The following ITGAE variants were observed in gnomAD, a reference collection of about 807,000 sequenced individuals.
ITGAE encodes the protein integrin alpha-E.
ITGAE carries 99 observed loss-of-function variants against 136.5 expected under a neutral mutation model. The ratio of observed to expected loss-of-function variants is 0.73; its 90% CI spans 0.62 to 0.86. ITGAE has a LOEUF of 0.86. ITGAE is among the 40% of genes least tolerant of loss of function. The pLI is 0.00. For synonymous variants in ITGAE, 613 were observed against 591.8 expected (o/e 1.04, Z -0.52); for missense variants, 1,447 against 1,515.3 (o/e 0.95, Z 0.75).
intron 1 of ITGAE, among the ~76,000 whole-genome samples, chr17:3,787,220 TCCTG>T: frequency 6.6e-6 from 1 of 151,886 alleles, no homozygotes; most frequent in East Asian, 2.0e-4. Context: ...CAAGCGATTC[TCCTG>T]CCTCAGCCTC....
In ITGAE at chr17:3,725,297, CA is replaced by C. The variant is rs777940498; in HGVS notation, c.3085-1554del. The stretch of plus-strand genomic sequence containing the variant: ...CCTTAAACACTCTAAGTATTTCAAA[CA>C]AAAAGGCATCTGATGCTGAAAAGGT... On this transcript the variant is annotated intron_variant, in intron 26 of 30. Transcript: ENST00000263087. 4 of 1,614,058 alleles carry C rather than the reference CA, an allele frequency of 2.5e-6. No homozygotes were observed. In the African/African-American group the frequency reaches 4.0e-5, roughly 16 times the overall value.
At chr17:3,763,614 A>C (rs1304245693) in intron 3 of ITGAE, among the ~76,000 whole-genome samples, 1 of 152,160 alleles carries the variant, frequency 6.6e-6, no homozygotes, top group Non-Finnish European at 1.5e-5. Flanking sequence ...TGCCGGGCAC[A>C]GGGTGGGCAC....
chr17:3,757,582 G>A (rs750141643), intron 9 of ITGAE, 124 bp downstream of exon 9: 6 of 1,031,696 alleles, frequency 5.8e-6, no homozygotes, highest in Non-Finnish European at 8.7e-6. Context: ...GAGAAGAGGA[G>A]CATTTGCAAA....
In ITGAE at chr17:3,716,705, G is replaced by C; in HGVS notation, c.3427C>G (p.Leu1143Val). Residue 1143 changes from leucine (L) to valine (V), a missense_variant, in exon 30 of 31, where the codon CTG becomes GTG. Transcript: ENST00000263087. ...GAACTGACCTTGAACAGGATGACCA[G>C]AATCACGATCAACACCAGAAGTCCA... The part of the protein sequence containing the change: ...VGGLLVLIVI[L>V]VILFKCGFFK... The C allele has an allele frequency of 6.3e-7, 1 of 1,597,214 alleles. No homozygotes were observed. Among genetic ancestry groups the C allele is most frequent in the Non-Finnish European group, 8.6e-7 (1 of 1,164,700 alleles).
rs146423316 is a variant in ITGAE, at chr17:3,761,032, G to A, written c.579C>T (p.Asp193=). 2.1e-4 allele frequency: 332 copies of A among 1,602,284 alleles called. No individual in the cohort carries two copies. The highest frequency in any genetic ancestry group is 2.4e-4 in the Non-Finnish European group (287 of 1,178,486). ...TCTCACCAGCTTCCTCCTCCTCCTC[G>A]TCTTCCTCCTCCTCCTTGTCTTCCT... is the stretch of plus-strand genomic sequence containing the variant. The part of the protein sequence containing the change: ...EEEEDKEEEE[D]EEEEEAGTEI... Residue 193 remains aspartate (D), a synonymous_variant, in exon 6 of 31, where the codon GAC becomes GAT. Coordinates refer to ENST00000263087, the MANE Select transcript of ITGAE (RefSeq NM_002208.5).
chr17:3,763,870 T>C lies in ITGAE; in HGVS notation c.246A>G (p.Val82=), dbSNP rs766279648. The C allele has an allele frequency of 5.3e-5, 85 of 1,613,096 alleles. No homozygotes were observed. The South Asian group carries it at 8.8e-4, about 17-fold the overall frequency. ...LVQDEILCHP[V]EHVPIPKGRH... is the part of the protein sequence containing the mutation. ...TCCCTGGAGTTGGGGCTGACTTACC[T>C]ACAGGATGGCAAAGGATTTCATCCT... The change falls in exon 3 of 31, where the codon GTA becomes GTG. Residue 82 remains valine (V), a splice_region_variant and synonymous_variant. Coordinates refer to ENST00000263087, the MANE Select transcript of ITGAE (RefSeq NM_002208.5).
rs186261105 is a variant in ITGAE at position 3,763,185 on chromosome 17, G to A, written c.247+684C>T. Among the ~76,000 whole-genome samples, 589 of 152,226 alleles carry A rather than the reference G, an allele frequency of 3.9e-3. 5 individuals carry two copies. Among genetic ancestry groups the A allele is most frequent in the African/African-American group, 0.014 (566 of 41,544 alleles). On this transcript the variant is annotated intron_variant, in intron 3 of 30. Transcript: ENST00000263087. ...TAAGATTACAGGCGTGAGCCACGGC[G>A]CCCAGCCTCAGACAAGACAAGGATT...
Position 3,753,912 on chromosome 17 carries a change from G to C in ITGAE, c.1398C>G (p.Ala466=). The change falls in exon 13 of 31, where the codon GCC becomes GCG. Residue 466 remains alanine, a synonymous_variant. Transcript: ENST00000263087. ...AQYSYLGYAV[A]VLHKTCSLSY... The stretch of plus-strand genomic sequence containing the variant: ...AGAGGCTGCAGGTCTTGTGCAGCAC[G>C]GCCACAGCGTAACCTGGGGCAAGGG... The C allele has an allele frequency of 1.2e-6, 2 of 1,614,012 alleles. No individual in the cohort carries two copies. Among genetic ancestry groups the C allele is most frequent in the Non-Finnish European group, 1.7e-6 (2 of 1,179,984 alleles).
At chr17:3,732,146 A>AT (rs2051359089) in intron 22 of ITGAE, among the ~76,000 whole-genome samples, 1 of 152,140 alleles carries the variant, frequency 6.6e-6, no homozygotes, top group Non-Finnish European at 1.5e-5. Flanking sequence ...ACTCTGCTTC[A>AT]CGGAGGTGAG....
chr17:3,740,642 T>C (rs976018129), intron 19 of ITGAE, among the ~76,000 whole-genome samples: 4 of 152,170 alleles, frequency 2.6e-5, no homozygotes, highest in Admixed American at 2.0e-4. Context: ...TTCCAAAGTG[T>C]TGGGATTACA....
intron 1 of ITGAE, among the ~76,000 whole-genome samples, chr17:3,785,894 G>A (rs984641809): frequency 3.9e-5 from 6 of 151,952 alleles, no homozygotes; most frequent in Admixed American, 6.6e-5. Flanking sequence ...GGGGCCAGGC[G>A]AGGTGGCTGA....
rs144798910 is a variant in ITGAE at position 3,743,659 on chromosome 17, G to A, written c.2320-42C>T. ...GAAGGCAGGGTTAGAGTTGGATGTG[G>A]GGGAGAAGATGACAACAATAATGCT... is the stretch of plus-strand genomic sequence containing the variant. On this transcript the variant is annotated intron_variant, in intron 18 of 30. Coordinates refer to ENST00000263087, the MANE Select transcript of ITGAE (RefSeq NM_002208.5). 2.0e-5 allele frequency: 32 copies of A among 1,577,534 alleles called. No homozygotes were observed. The African/African-American group carries it at 2.5e-4, about 12-fold the overall frequency.
At chr17:3,754,030 G>C in intron 12 of ITGAE, 105 bp from the exon 13 acceptor site, 5 of 1,341,910 alleles carry the variant, frequency 3.7e-6, no homozygotes, top group Non-Finnish European at 5.1e-6. Context: ...GCCTGGGGAG[G>C]GGGGCAAAAT....
intron 3 of ITGAE, among the ~76,000 whole-genome samples, chr17:3,762,502 C>T (rs1221491653): frequency 1.3e-5 from 2 of 151,572 alleles, no homozygotes; most frequent in Non-Finnish European, 2.9e-5. Flanking sequence ...CCTCAGGATA[C>T]TGTCTTATTT....
At chr17:3,734,079 T>A (rs2051405830) in intron 21 of ITGAE, among the ~76,000 whole-genome samples, 2 of 152,150 alleles carry the variant, frequency 1.3e-5, no homozygotes, top group African/African-American at 4.8e-5. Context: ...TCTTTCTTGT[T>A]TTTTCTTTTG....
At chr17:3,781,654 C>A (rs1365395241) in intron 1 of ITGAE, among the ~76,000 whole-genome samples, 1 of 152,128 alleles carries the variant, frequency 6.6e-6, no homozygotes, top group Non-Finnish European at 1.5e-5. Context: ...AAGGCCCGGT[C>A]TCTTCTTTAA....
chr17:3,724,134 G>A lies in ITGAE; in HGVS notation c.3085-390C>T. On this transcript the variant is annotated intron_variant, in intron 26 of 30. Coordinates refer to ENST00000263087, the MANE Select transcript of ITGAE (RefSeq NM_002208.5). ...GCAGTCCGACGATCCTGACGATCCC[G>A]ACGACCCCGACTTCCCCGGCAGCCC... 1.9e-6 allele frequency: 3 copies of A among 1,595,462 alleles called. No individual in the cohort carries two copies. In the South Asian group the frequency reaches 3.3e-5, roughly 18 times the overall value.
chr17:3,790,738 A>G (rs1214767995), intron 1 of ITGAE, among the ~76,000 whole-genome samples: 3 of 152,196 alleles, frequency 2.0e-5, no homozygotes, highest in Non-Finnish European at 4.4e-5. Flanking sequence ...AAACTCTGCC[A>G]TAAATCAAAG....
At chr17:3,751,394 G>A (rs569266648) in intron 15 of ITGAE, among the ~76,000 whole-genome samples, 5 of 151,796 alleles carry the variant, frequency 3.3e-5, no homozygotes, top group Admixed American at 6.6e-5. Flanking sequence ...GACAGGTACC[G>A]CCACAACCTC....
Sources: gnomAD v4.1 joint callset for allele counts (sites outside exome capture counted in the v4.1 genomes callset) on GRCh38, gnomAD v4.1.1 for gene constraint, MANE v1.5 for transcripts, NCBI Gene and HGNC (gene_info 2026-07-23, HGNC 2026-07-21) for gene names.